The following MYO9B variants were observed in gnomAD, a reference collection of about 807,000 sequenced individuals.
MYO9B encodes myosin IXB.
Under a neutral mutation model 229.5 loss-of-function variants are expected in MYO9B, and 71 were observed. The observed-to-expected ratio is 0.31, with a 90% CI of 0.26 to 0.38. The LOEUF (loss-of-function observed/expected upper bound fraction) is 0.38. MYO9B is among the 10% of genes least tolerant of loss of function. The pLI, the probability that MYO9B is intolerant of heterozygous loss-of-function variation, is 1.00. For synonymous variants in MYO9B, 1,185 were observed against 1,235.8 expected, an observed-to-expected ratio of 0.96 and a Z score of 0.86; for missense variants, 2,255 against 2,920.5, an observed-to-expected ratio of 0.77 and a Z score of 5.25.
At chr19:17,196,864 C>T (rs2145469379) in intron 22 of MYO9B, among the ~76,000 whole-genome samples, 1 of 150,840 alleles carries the variant, frequency 6.6e-6, no homozygotes, top group East Asian at 2.0e-4. Flanking sequence ...GGGTGGATGG[C>T]TGGAAGATAG....
At chr19:17,078,311 G>A (rs1002091186) in intron 1 of MYO9B, among the ~76,000 whole-genome samples, 5 of 152,216 alleles carry the variant, frequency 3.3e-5, no homozygotes, top group African/African-American at 1.2e-4. Flanking sequence ...GGAGGCCAAG[G>A]TGGGTGGATC....
chr19:17,173,567 A>G (rs2072749608), intron 13 of MYO9B, among the ~76,000 whole-genome samples: 2 of 152,044 alleles, frequency 1.3e-5, no homozygotes, highest in African/African-American at 4.8e-5. Flanking sequence ...GACTCATGAA[A>G]TGCTGGGATT....
At chr19:17,134,907 G>T (rs1161689406) in intron 2 of MYO9B, among the ~76,000 whole-genome samples, 1 of 151,980 alleles carries the variant, frequency 6.6e-6, no homozygotes, top group Non-Finnish European at 1.5e-5. Context: ...GGGATTACAG[G>T]CATGCACCAC....
chr19:17,119,545 G>A (rs953506291), intron 2 of MYO9B, among the ~76,000 whole-genome samples: 24 of 152,176 alleles, frequency 1.6e-4, no homozygotes, highest in African/African-American at 5.6e-4. Context: ...GCCACGTAAA[G>A]AAAAGCAGAG....
chr19:17,175,338 AT>A (rs2145374994), intron 13 of MYO9B, among the ~76,000 whole-genome samples: 1 of 151,254 alleles, frequency 6.6e-6, no homozygotes, highest in South Asian at 2.1e-4. Flanking sequence ...TAATCCCAGG[AT>A]TTTGGGAGGC....
chr19:17,170,944 G>C (rs887484613), intron 11 of MYO9B, among the ~76,000 whole-genome samples: 1 of 151,954 alleles, frequency 6.6e-6, no homozygotes, highest in African/African-American at 2.4e-5. Flanking sequence ...TGGCCCAGCA[G>C]GCTCGAGTCT....
chr19:17,123,424 T>TTGTGTG (rs3222984), intron 2 of MYO9B, among the ~76,000 whole-genome samples: 4,842 of 146,882 alleles, frequency 0.033, 97 homozygotes, highest in Middle Eastern at 0.071. Flanking sequence ...CAGTAGAAAT[T>TTGTGTG]TGTGTGTGTG....
chr19:17,128,249 G>A (rs560953418), intron 2 of MYO9B, among the ~76,000 whole-genome samples: 2 of 151,768 alleles, frequency 1.3e-5, no homozygotes, highest in South Asian at 4.2e-4. Context: ...AATTTAGCAA[G>A]GCACAGTGGT....
chr19:17,211,065 C>G (rs1342194700), intron 38 of MYO9B, among the ~76,000 whole-genome samples: 1 of 142,750 alleles, frequency 7.0e-6, no homozygotes, highest in Non-Finnish European at 1.5e-5. Flanking sequence ...CTCACTGCAA[C>G]CTCCATCTCC....
At chr19:17,200,592 C>T (rs757624822) in intron 25 of MYO9B, 47 bp from the exon 26 acceptor site, 3 of 1,559,318 alleles carry the variant, frequency 1.9e-6, no homozygotes, top group South Asian at 2.3e-5. Context: ...TCCCCTGCAT[C>T]CTCCCCCTGA....
Position 17,194,728 on chromosome 19 carries a change from C to T in MYO9B, c.3301C>T (p.Pro1101Ser), listed in dbSNP as rs1445490001. The T allele has an allele frequency of 1.2e-6, 2 of 1,612,852 alleles. No individual in the cohort carries two copies. The highest frequency in any genetic ancestry group is 1.3e-5 in the African/African-American group (1 of 74,906). The change falls in exon 22 of 40, where the codon CCT becomes TCT. Residue 1101 changes from proline to serine, a missense_variant. Physicochemically the swap from Pro to Ser is moderately conservative, Grantham distance 74. Around this residue, in one of 7 missense-constraint regions of MYO9B, gnomAD observed 679 missense variants for 770.2 expected, o/e 0.88. Transcript: ENST00000682292. Reference sequence around the variant, plus strand: ...GGATGGCGGGCACCTGGCATCGGAGCCTGAGGTGCAGCCAAGTGACAGGTC... The same window carrying T: ...GGATGGCGGGCACCTGGCATCGGAGTCTGAGGTGCAGCCAAGTGACAGGTC... ...AEDGGHLASEPEVQPSDRSPL... is the reference protein window; with the variant it reads ...AEDGGHLASESEVQPSDRSPL...
rs2073009954 is a variant in MYO9B at position 17,193,612 on chromosome 19, T to A, written c.3128+550T>A. 2.0e-5 allele frequency among the ~76,000 whole-genome samples: 3 copies of A among 152,172 alleles called. No individual in the cohort carries two copies. Among genetic ancestry groups the A allele is most frequent in the Non-Finnish European group, 4.4e-5 (3 of 68,032 alleles). On this transcript the variant is annotated intron_variant, in intron 21 of 39. Transcript: ENST00000682292. The surrounding 1 kb of genome is among the most constrained non-coding windows in gnomAD (Gnocchi z 4.3). ...AGCCTCCTAGGCCAGGTGCAATGGC[T>A]CATGCCTGTAATCCCAACACTTTGG...
chr19:17,107,239 A>C (rs1421837441), intron 2 of MYO9B, among the ~76,000 whole-genome samples: 1 of 152,146 alleles, frequency 6.6e-6, no homozygotes, highest in Non-Finnish European at 1.5e-5. Context: ...GTCTCAAAAA[A>C]ATAACAAAAA....
intron 7 of MYO9B, among the ~76,000 whole-genome samples, chr19:17,158,771 C>T (rs1299677950): frequency 6.6e-6 from 1 of 152,168 alleles, no homozygotes; most frequent in African/African-American, 2.4e-5. Context: ...CTCCAATAGG[C>T]AAGGCGGCCA....
intron 2 of MYO9B, among the ~76,000 whole-genome samples, chr19:17,104,701 T>C (rs1298174976): frequency 3.3e-5 from 5 of 151,682 alleles, no homozygotes; most frequent in African/African-American, 1.2e-4. Context: ...GCTGGGATTA[T>C]AGGCGTGAAC....
chr19:17,192,036 A>G (rs2072990750), intron 20 of MYO9B, among the ~76,000 whole-genome samples: 1 of 151,888 alleles, frequency 6.6e-6, no homozygotes, highest in African/African-American at 2.4e-5. Context: ...AGCTCACTGC[A>G]ACCTCCGTCT....
intron 36 of MYO9B, 113 bp from the exon 37 acceptor site, chr19:17,210,220 T>C: frequency 9.2e-7 from 1 of 1,092,288 alleles, no homozygotes; most frequent in Non-Finnish European, 1.3e-6. Context: ...GGCTCTGGGC[T>C]CCTGTGGGAA....
At chr19:17,127,333 AT>A (rs1217605480) in intron 2 of MYO9B, among the ~76,000 whole-genome samples, 6 of 115,812 alleles carry the variant, frequency 5.2e-5, no homozygotes, top group Non-Finnish European at 7.3e-5. Context: ...TCCCCTAAGC[AT>A]TTTTTTTTTC....
At chr19:17,107,617 C>T (rs753034111) in intron 2 of MYO9B, among the ~76,000 whole-genome samples, 43 of 152,210 alleles carry the variant, frequency 2.8e-4, no homozygotes, top group Non-Finnish European at 4.7e-4. Flanking sequence ...CACTCCCTCC[C>T]GGCTCTGGGG....
Sources: gnomAD v4.1 joint callset for allele counts (sites outside exome capture counted in the v4.1 genomes callset) on GRCh38, gnomAD v4.1.1 for gene constraint, gnomAD v4.1.1 regional missense constraint, Gnocchi (gnomAD v3.1) non-coding constraint, MANE v1.5 for transcripts, NCBI Gene and HGNC (gene_info 2026-07-23, HGNC 2026-07-21) for gene names.